Variants in CCDC85A observed in about 807,000 individuals in gnomAD.
CCDC85A encodes coiled-coil domain containing 85A, also known as coiled-coil domain-containing protein 85A.
In CCDC85A, 38 loss-of-function variants were observed where a neutral mutation model predicts 50.2. The observed-to-expected ratio is 0.76, with a 90% CI of 0.58 to 0.99. The LOEUF is 0.99. Ranked by LOEUF, CCDC85A falls within the 50% of genes least tolerant of loss-of-function variation. The pLI is 0.00. For missense variants in CCDC85A, 820 were observed against 742.0 expected, an observed-to-expected ratio of 1.11 and a Z score of -1.22; for synonymous variants, 366 against 301.4, an observed-to-expected ratio of 1.21 and a Z score of -2.22.
intron 1 of CCDC85A, among the ~76,000 whole-genome samples, chr2:56,186,411 G>A (rs1649312182): frequency 6.6e-6 from 1 of 152,222 alleles, no homozygotes; most frequent in Non-Finnish European, 1.5e-5. Context: ...ATAACTTTCT[G>A]AGGGTGTTAT....
intron 1 of CCDC85A, among the ~76,000 whole-genome samples, chr2:56,191,305 G>T (rs1676285999): frequency 6.6e-6 from 1 of 152,160 alleles, no homozygotes; most frequent in African/African-American, 2.4e-5. Context: ...CACAATAAAA[G>T]CTGTACCATG....
chr2:56,331,956 G>T (rs1312158818), intron 2 of CCDC85A, among the ~76,000 whole-genome samples: 1 of 152,154 alleles, frequency 6.6e-6, no homozygotes, highest in Non-Finnish European at 1.5e-5. Context: ...CGCCCCCCAG[G>T]CTGCTCTCTG....
intron 1 of CCDC85A, among the ~76,000 whole-genome samples, chr2:56,187,541 T>A (rs1163041821): frequency 6.6e-6 from 1 of 152,186 alleles, no homozygotes; most frequent in Non-Finnish European, 1.5e-5. Flanking sequence ...TTTGGCCAAT[T>A]GTTAAACTCT....
chr2:56,336,423 G>C (rs1031984108), intron 2 of CCDC85A, among the ~76,000 whole-genome samples: 1 of 152,174 alleles, frequency 6.6e-6, no homozygotes, highest in African/African-American at 2.4e-5. Flanking sequence ...CAAAGTGCTA[G>C]GACTGTAGGT....
chr2:56,294,444 A>G (rs1057196981), intron 2 of CCDC85A, among the ~76,000 whole-genome samples: 1 of 152,214 alleles, frequency 6.6e-6, no homozygotes, highest in Admixed American at 6.5e-5. Flanking sequence ...TAACTTAAAT[A>G]AAATTTTTAA....
intron 2 of CCDC85A, among the ~76,000 whole-genome samples, chr2:56,317,054 C>G (rs4672109): frequency 0.22 from 33,101 of 151,866 alleles, 4,703 homozygotes; most frequent in African/African-American, 0.39. Context: ...GGGAAATTAA[C>G]TAAGGTTATC....
chr2:56,384,482 C>A lies in CCDC85A; in HGVS notation c.*127C>A, dbSNP rs1368665730. On this transcript the variant is annotated 3_prime_UTR_variant, in exon 6 of 6. Transcript: ENST00000407595. ...TAACATGGAGTGATTGTACATTGCACATATCTCCCCTCTAAAACCTGTAGT... is the reference window on the plus strand; with the variant it reads ...TAACATGGAGTGATTGTACATTGCAAATATCTCCCCTCTAAAACCTGTAGT... The A allele has an allele frequency of 5.6e-6, 4 of 714,402 alleles. No individual in the cohort carries two copies. The highest frequency in any genetic ancestry group is 5.0e-5 in the Admixed American group (2 of 40,130). The allele number at this position is 714,402 out of a possible 1,614,324, so 44.3% of individuals were successfully genotyped here.
chr2:56,281,222 G>T (rs1254470396), intron 2 of CCDC85A, among the ~76,000 whole-genome samples: 2 of 152,112 alleles, frequency 1.3e-5, no homozygotes, highest in Non-Finnish European at 2.9e-5. Flanking sequence ...TTCTTTCACT[G>T]AACATAATGG....
intron 2 of CCDC85A, among the ~76,000 whole-genome samples, chr2:56,198,581 G>A (rs926209185): frequency 2.6e-5 from 4 of 152,134 alleles, no homozygotes; most frequent in Non-Finnish European, 5.9e-5. Flanking sequence ...TTGACTTAAT[G>A]ACATAGAAAG....
intron 3 of CCDC85A, among the ~76,000 whole-genome samples, chr2:56,364,939 A>G (rs1675715179): frequency 1.3e-5 from 2 of 152,070 alleles, no homozygotes; most frequent in Admixed American, 6.5e-5. Flanking sequence ...CCACACTATT[A>G]CCAGATCAAT....
chr2:56,262,958 G>T (rs1462053539), intron 2 of CCDC85A, among the ~76,000 whole-genome samples: 2 of 151,958 alleles, frequency 1.3e-5, no homozygotes, highest in Non-Finnish European at 2.9e-5. Context: ...AAAATAAGAG[G>T]TGCCACAGAG....
rs752350334 is a variant in CCDC85A at position 56,385,496 on chromosome 2, T to A, written c.*1141T>A. 6.6e-6 allele frequency: 1 copy of A among 152,244 alleles called. No homozygotes were observed. Among genetic ancestry groups the A allele is most frequent in the Non-Finnish European group, 1.5e-5 (1 of 67,824 alleles). 9.4% of individuals were successfully genotyped at this position (152,244 alleles called of 1,614,324 possible). On this transcript the variant is annotated 3_prime_UTR_variant, in exon 6 of 6. Coordinates refer to ENST00000407595, the MANE Select transcript of CCDC85A (RefSeq NM_001080433.2). The stretch of plus-strand genomic sequence containing the variant: ...TGTACTGGAAATGCTATGATAGGTA[T>A]TTTGTGTTAATCCAAATGCAATGAT...
At chr2:56,323,282 TTAAAG>T (rs1297124918) in intron 2 of CCDC85A, among the ~76,000 whole-genome samples, 1 of 151,970 alleles carries the variant, frequency 6.6e-6, no homozygotes, top group Non-Finnish European at 1.5e-5. Context: ...GCTCTAGAAC[TTAAAG>T]TAAAATAAAA....
At chr2:56,246,230 A>G (rs973020979) in intron 2 of CCDC85A, among the ~76,000 whole-genome samples, 3 of 152,080 alleles carry the variant, frequency 2.0e-5, no homozygotes, top group Admixed American at 1.3e-4. Flanking sequence ...GGCCCAAGTT[A>G]TTTGTCTCTA....
chr2:56,341,201 C>G (rs1165516481), intron 2 of CCDC85A, among the ~76,000 whole-genome samples: 1 of 152,156 alleles, frequency 6.6e-6, no homozygotes, highest in Non-Finnish European at 1.5e-5. Flanking sequence ...AGATCATATA[C>G]CAATTAAACT....
chr2:56,367,916 T>A (rs1266447183), intron 3 of CCDC85A, among the ~76,000 whole-genome samples: 7 of 151,984 alleles, frequency 4.6e-5, no homozygotes, highest in Non-Finnish European at 1.0e-4. Flanking sequence ...ACCATTATTA[T>A]TTACACTGTA....
At chr2:56,291,770 AG>A (rs1306457982) in intron 2 of CCDC85A, among the ~76,000 whole-genome samples, 4 of 105,672 alleles carry the variant, frequency 3.8e-5, no homozygotes, top group Non-Finnish European at 7.1e-5. Context: ...AAAAATGGGA[AG>A]GCTTTTTTTT....
At chr2:56,324,699 C>T (rs1673379085) in intron 2 of CCDC85A, among the ~76,000 whole-genome samples, 1 of 152,152 alleles carries the variant, frequency 6.6e-6, no homozygotes, top group African/African-American at 2.4e-5. Context: ...TCCATAAAGT[C>T]AACTGCTTGT....
intron 2 of CCDC85A, among the ~76,000 whole-genome samples, chr2:56,292,495 T>G (rs180894882): frequency 1.3e-4 from 20 of 152,304 alleles, no homozygotes; most frequent in African/African-American, 3.6e-4. Context: ...CCCTCTGCCT[T>G]CCACAACCCT....
Sources: gnomAD v4.1 joint callset for allele counts (sites outside exome capture counted in the v4.1 genomes callset) on GRCh38, gnomAD v4.1.1 for gene constraint, MANE v1.5 for transcripts, NCBI Gene and HGNC (gene_info 2026-07-23, HGNC 2026-07-21) for gene names.